The following ZNF529 variants were observed in gnomAD, a reference collection of about 807,000 sequenced individuals.
ZNF529 encodes the protein zinc finger protein 529.
A neutral mutation model predicts 10.1 loss-of-function variants in ZNF529; 11 were observed. The observed-to-expected ratio is 1.09, with a 90% CI of 0.69 to 1.81. The LOEUF is 1.81. Ranked by LOEUF, ZNF529 falls within the 40% of genes most tolerant of loss-of-function variation. The pLI, the probability that ZNF529 is intolerant of heterozygous loss-of-function variation, is 0.00. For synonymous variants in ZNF529, 204 were observed against 215.7 expected, an observed-to-expected ratio of 0.95 and a Z score of 0.47; for missense variants, 624 against 666.8, an observed-to-expected ratio of 0.94 and a Z score of 0.71.
In ZNF529 at chr19:36,554,777, T is replaced by C. The variant is rs765741014; in HGVS notation, c.128A>G (p.Asp43Gly). Reference protein sequence around the residue: ...TMDHELVTLRDVVINFSQEEW... With the variant: ...TMDHELVTLRGVVINFSQEEW... The stretch of plus-strand genomic sequence containing the variant: ...CTCCTGAGAGAAGTTGATGACCACA[T>C]CCCTGAGTGTCACCAGTTCCTGAAA... Residue 43 changes from aspartate (D) to glycine (G), a missense_variant, in exon 4 of 5, where the codon GAT becomes GGT. Transcript: ENST00000591340. 1.3e-6 allele frequency: 2 copies of C among 1,566,932 alleles called. No individual in the cohort carries two copies. Among genetic ancestry groups the C allele is most frequent in the Admixed American group, 3.8e-5 (2 of 53,006 alleles).
At position 36,547,173 on chromosome 19, in the gene ZNF529, G is replaced by GT. The variant is rs767041476; in HGVS notation, c.1384dup (p.Thr462AsnfsTer12). 6.2e-7 allele frequency: 1 copy of GT among 1,612,532 alleles called. No homozygotes were observed. On this transcript the variant is annotated frameshift_variant, in exon 5 of 5. Transcript: ENST00000591340. LOFTEE classifies it low-confidence loss of function (END_TRUNC). ...TCTTTGATGTTGAATAAGGGCTGAC[G>GT]TAAGTCTAAAGAACTTTCCACACTC...
At chr19:36,590,990 A>T (rs1465528110) in intron 1 of ZNF529, among the ~76,000 whole-genome samples, 1 of 152,084 alleles carries the variant, frequency 6.6e-6, no homozygotes, top group South Asian at 2.1e-4. Flanking sequence ...TAAAAACTGC[A>T]AAGACAAATT....
At position 36,548,357 on chromosome 19, in the gene ZNF529, C is replaced by CAA. The variant is rs746379947; in HGVS notation, c.236-37_236-36dup. On this transcript the variant is annotated intron_variant, in intron 4 of 4. Coordinates refer to ENST00000591340, the MANE Select transcript of ZNF529 (RefSeq NM_020951.5). Reference sequence around the variant, plus strand: ...AGGAAAAAATAATTTTCATGTACTACAAAAATAAAACAGTTATAGAAAGAA... The same window carrying CAA: ...AGGAAAAAATAATTTTCATGTACTACAAAAAAATAAAACAGTTATAGAAAGAA... 37 of 1,472,392 alleles carry CAA rather than the reference C, an allele frequency of 2.5e-5. No individual in the cohort carries two copies. The African/African-American group carries it at 4.3e-4, about 17-fold the overall frequency. 91.2% of individuals were successfully genotyped at this position (1,472,392 alleles called of 1,614,324 possible).
chr19:36,562,276 C>T (rs1175567781), intron 2 of ZNF529, among the ~76,000 whole-genome samples: 5 of 151,906 alleles, frequency 3.3e-5, no homozygotes, highest in African/African-American at 4.8e-5. Flanking sequence ...CTTGGAAGCA[C>T]GTAACTAGTT....
intron 3 of ZNF529, among the ~76,000 whole-genome samples, 184 bp downstream of exon 3, chr19:36,555,920 T>C (rs185963997): frequency 1.3e-5 from 2 of 152,176 alleles, no homozygotes; most frequent in East Asian, 1.9e-4. Flanking sequence ...ACTGAACACA[T>C]AGGAGTGTTG....
intron 1 of ZNF529, among the ~76,000 whole-genome samples, chr19:36,597,057 A>T (rs2036852947): frequency 6.6e-6 from 1 of 151,922 alleles, no homozygotes; most frequent in African/African-American, 2.4e-5. Flanking sequence ...TTTTTTGTAG[A>T]GATGGGGTCT....
chr19:36,592,284 CAAAAAAAAA>C (rs35717465), intron 1 of ZNF529, among the ~76,000 whole-genome samples: 8 of 49,862 alleles, frequency 1.6e-4, no homozygotes, highest in South Asian at 8.7e-4. Flanking sequence ...GACTTTGTCT[CAAAAAAAAA>C]AAAAAAAAAA....
At chr19:36,569,996 G>T (rs1174114807) in intron 2 of ZNF529, among the ~76,000 whole-genome samples, 1 of 152,030 alleles carries the variant, frequency 6.6e-6, no homozygotes, top group Non-Finnish European at 1.5e-5. Flanking sequence ...TCTGACTTCT[G>T]GGTAGGCTTG....
rs148559265 is a variant in ZNF529 at position 36,546,382 on chromosome 19, T to G, written c.*484A>C. On this transcript the variant is annotated 3_prime_UTR_variant, in exon 5 of 5. Coordinates refer to ENST00000591340, the MANE Select transcript of ZNF529 (RefSeq NM_020951.5). ...ATGAAAATGGAAAGGAGATCACACT[T>G]CTATCATTTAAAACAAAACAAAACA... The G allele has an allele frequency of 9.2e-6, 1 of 108,634 alleles. No individual in the cohort carries two copies. Among genetic ancestry groups the G allele is most frequent in the African/African-American group, 3.8e-5 (1 of 26,268 alleles). The allele number at this position is 108,634 out of a possible 1,614,324, so 6.7% of individuals were successfully genotyped here.
chr19:36,568,332 C>A (rs1409538132), intron 2 of ZNF529, among the ~76,000 whole-genome samples: 1 of 152,168 alleles, frequency 6.6e-6, no homozygotes, highest in African/African-American at 2.4e-5. Context: ...ATCTCTAGTG[C>A]AGCATGGAAG....
chr19:36,604,876 ACACACACCC>A (rs2036995366), intron 1 of ZNF529: 1 of 151,870 alleles, frequency 6.6e-6, no homozygotes, highest in South Asian at 2.1e-4. Context: ...CCTGCTGTGC[ACACACACCC>A]CCTGCTGTGC....
upstream of ZNF529, among the ~76,000 whole-genome samples, chr19:36,573,769 C>T (rs1205068726): frequency 6.6e-6 from 1 of 152,146 alleles, no homozygotes; most frequent in African/African-American, 2.4e-5. Context: ...ACTGGAGGGC[C>T]GGGCTGGGAA....
chr19:36,570,373 A>G (rs1365774366), intron 2 of ZNF529, among the ~76,000 whole-genome samples: 1 of 151,412 alleles, frequency 6.6e-6, no homozygotes, highest in African/African-American at 2.4e-5. Context: ...AAAAAAAAAA[A>G]AAAAAAAAGA....
At chr19:36,604,072 C>T (rs1370032422) in intron 1 of ZNF529, among the ~76,000 whole-genome samples, 1 of 152,004 alleles carries the variant, frequency 6.6e-6, no homozygotes, top group Non-Finnish European at 1.5e-5. Flanking sequence ...CCCAGCTACT[C>T]GGGAGGCTGA....
At chr19:36,549,168 G>A (rs1481371336) in intron 4 of ZNF529, among the ~76,000 whole-genome samples, 1 of 151,336 alleles carries the variant, frequency 6.6e-6, no homozygotes. Context: ...GATACCCTCA[G>A]AAAGGGCATA....
intron 2 of ZNF529, among the ~76,000 whole-genome samples, chr19:36,579,946 T>G (rs749290956): frequency 6.6e-6 from 1 of 152,220 alleles, no homozygotes; most frequent in Admixed American, 6.5e-5. Flanking sequence ...GACTCTTCAC[T>G]TAAAACGCAA....
chr19:36,552,533 C>T (rs1386808526), intron 4 of ZNF529, among the ~76,000 whole-genome samples: 1 of 152,298 alleles, frequency 6.6e-6, no homozygotes, highest in Non-Finnish European at 1.5e-5. Context: ...GCTAATCTCC[C>T]TCCTGGACCA....
At chr19:36,605,004 C>T (rs1024019124) in intron 1 of ZNF529, 3 of 152,444 alleles carry the variant, frequency 2.0e-5, no homozygotes, top group African/African-American at 7.2e-5. Context: ...TCTCCCTCCC[C>T]AGCAGGTGAC....
At chr19:36,563,372 G>A (rs906969709) in intron 2 of ZNF529, among the ~76,000 whole-genome samples, 3 of 150,028 alleles carry the variant, frequency 2.0e-5, no homozygotes, top group African/African-American at 7.4e-5. Context: ...GCAGTAAGCC[G>A]AGATCACACC....
Sources: allele counts gnomAD v4.1 joint callset (sites outside exome capture counted in the v4.1 genomes callset), GRCh38; gene constraint gnomAD v4.1.1; transcripts MANE v1.5; gene names NCBI Gene and HGNC (gene_info 2026-07-23, HGNC 2026-07-21).